PCDHGA9: variants seen among roughly 807,000 people sequenced by gnomAD.
PCDHGA9 encodes the protein protocadherin gamma-A9.
PCDHGA9 carries 37 observed loss-of-function variants against 62.5 expected under a neutral mutation model. The observed-to-expected ratio is 0.59, with a 90% confidence interval of 0.46 to 0.78. The LOEUF (loss-of-function observed/expected upper bound fraction) is 0.78. PCDHGA9 is among the 30% of genes least tolerant of loss of function. The pLI, the probability that PCDHGA9 is intolerant of heterozygous loss-of-function variation, is 0.00. For missense variants in PCDHGA9, 1,138 were observed against 1,166.2 expected (o/e 0.98, Z 0.35); for synonymous variants, 459 against 484.6 (o/e 0.95, Z 0.69).
intron 1 of PCDHGA9, among the ~76,000 whole-genome samples, chr5:141,464,049 G>C (rs1330340459): frequency 6.6e-6 from 1 of 152,124 alleles, no homozygotes; most frequent in Admixed American, 6.5e-5. Context: ...TGGATCACCT[G>C]AGGTCAGGAG....
intron 1 of PCDHGA9, chr5:141,409,054 T>TA: frequency 6.2e-7 from 1 of 1,614,028 alleles, no homozygotes; most frequent in African/African-American, 1.3e-5. Flanking sequence ...TCCGAAGCAC[T>TA]GCCCAGAGCA....
Position 141,403,105 on chromosome 5 carries a change from C to G in PCDHGA9, c.153C>G (p.Asp51Glu), listed in dbSNP as rs1226095779. Residue 51 changes from aspartate (D) to glutamate (E), a missense_variant, in exon 1 of 4, where the codon GAC becomes GAG. Physicochemically the swap from Asp to Glu is conservative, Grantham distance 45 (BLOSUM62 2). Coordinates refer to ENST00000573521, the MANE Select transcript of PCDHGA9 (RefSeq NM_018921.3). ...ATATTGTGGGCAACATCTCCAAGGA[C>G]CTGGCTCTGGAGCCCCGGGAGCTGG... is the stretch of plus-strand genomic sequence containing the variant. ...KGYIVGNISK[D>E]LALEPRELAE... 6.2e-7 allele frequency: 1 copy of G among 1,614,056 alleles called. No homozygotes were observed. Among genetic ancestry groups the G allele is most frequent in the East Asian group, 2.2e-5 (1 of 44,884 alleles).
Position 141,409,996 on chromosome 5 carries a change from G to C in PCDHGA9, c.2424+4620G>C, listed in dbSNP as rs1561724976. 8.7e-6 allele frequency: 14 copies of C among 1,613,014 alleles called. No homozygotes were observed. The Admixed American group carries it at 1.8e-4, about 21-fold the overall frequency. On this transcript the variant is annotated intron_variant, in intron 1 of 3. Transcript: ENST00000573521. ...AGGTGGTAGCGGTGGACGCCGACTC[G>C]GGACACAACGCCTGGCTGTCCTACC...
At chr5:141,453,495 C>T (rs1490576605) in intron 1 of PCDHGA9, among the ~76,000 whole-genome samples, 1 of 151,968 alleles carries the variant, frequency 6.6e-6, no homozygotes, top group Admixed American at 6.6e-5. Flanking sequence ...AAAAGGTGTA[C>T]TCAGAAAATT....
chr5:141,433,352 T>C (rs976015031), intron 1 of PCDHGA9: 16 of 614,162 alleles, frequency 2.6e-5, no homozygotes, highest in Non-Finnish European at 3.7e-5. Flanking sequence ...AGCCACCTAC[T>C]GTCTGCCTAT....
In PCDHGA9 at chr5:141,490,889, T is replaced by G. The variant is rs568838001; in HGVS notation, c.2425-3918T>G. The G allele has an allele frequency of 6.2e-7, 1 of 1,613,406 alleles. No homozygotes were observed. Among genetic ancestry groups the G allele is most frequent in the Non-Finnish European group, 8.5e-7 (1 of 1,179,428 alleles). ...CCCCCATTGCATGCCAACACATCTCTGCATGTGTTTGTCCTAGACGAGAAT... is the reference window on the plus strand; with the variant it reads ...CCCCCATTGCATGCCAACACATCTCGGCATGTGTTTGTCCTAGACGAGAAT... On this transcript the variant is annotated intron_variant, in intron 1 of 3. Coordinates refer to ENST00000573521, the MANE Select transcript of PCDHGA9 (RefSeq NM_018921.3). This position sits in a 1 kb window ranked among gnomAD's most constrained non-coding sequence, Gnocchi z 5.4.
intron 1 of PCDHGA9, among the ~76,000 whole-genome samples, chr5:141,464,912 T>A (rs1303305860): frequency 2.6e-5 from 4 of 152,092 alleles, no homozygotes; most frequent in Non-Finnish European, 5.9e-5. Context: ...CTAATTTTTT[T>A]ATTTTTTTGT....
At position 141,405,406 on chromosome 5, in the gene PCDHGA9, T is replaced by C. The variant is rs750140674; in HGVS notation, c.2424+30T>C. On this transcript the variant is annotated intron_variant, in intron 1 of 3. Coordinates refer to ENST00000573521, the MANE Select transcript of PCDHGA9 (RefSeq NM_018921.3). ...GTTCATTTTTTTTCTTTCTTTCTTTTCTTTTTTTGTTTTTTGTTTTGTTTT... is the reference window on the plus strand; with the variant it reads ...GTTCATTTTTTTTCTTTCTTTCTTTCCTTTTTTTGTTTTTTGTTTTGTTTT... 1.2e-5 allele frequency: 19 copies of C among 1,584,070 alleles called. No individual in the cohort carries two copies. The Admixed American group carries it at 1.2e-4, about 10-fold the overall frequency.
At chr5:141,430,935 T>G (rs748546768) in intron 1 of PCDHGA9, 1 of 1,607,814 alleles carries the variant, frequency 6.2e-7, no homozygotes. Context: ...CCCCGGGAGC[T>G]CGCGGAGCGC....
chr5:141,421,397 C>T, intron 1 of PCDHGA9: 1 of 1,614,030 alleles, frequency 6.2e-7, no homozygotes, highest in Non-Finnish European at 8.5e-7. Context: ...GGGCTGGAGC[C>T]CCGGGAGCTG....
chr5:141,430,790 A>G, intron 1 of PCDHGA9: 1 of 1,516,892 alleles, frequency 6.6e-7, no homozygotes, highest in South Asian at 1.3e-5. Context: ...CCGGGACTAC[A>G]AAGGGCTTGT....
chr5:141,415,029 G>A (rs777967290), intron 1 of PCDHGA9: 4 of 1,613,436 alleles, frequency 2.5e-6, no homozygotes, highest in Non-Finnish European at 3.4e-6. Flanking sequence ...CCAGCGAGCC[G>A]GGACTCTTCG....
chr5:141,455,283 C>G (rs1225185590), intron 1 of PCDHGA9, among the ~76,000 whole-genome samples: 1 of 152,000 alleles, frequency 6.6e-6, no homozygotes, highest in East Asian at 1.9e-4. Context: ...ATTAACATCA[C>G]TTTACATAGT....
At chr5:141,508,570 C>T (rs1164806696) in intron 3 of PCDHGA9, among the ~76,000 whole-genome samples, 21 of 152,198 alleles carry the variant, frequency 1.4e-4, no homozygotes. Context: ...GTCACTTGCA[C>T]CCACTCGGGG....
At chr5:141,502,866 C>CTTTTTTTT (rs549047197) in intron 2 of PCDHGA9, among the ~76,000 whole-genome samples, 38,988 of 127,080 alleles carry the variant, frequency 0.31, 7,978 homozygotes, top group African/African-American at 0.51. Flanking sequence ...GACTCTCTGT[C>CTTTTTTTT]TTTTTTTTTT....
Position 141,404,411 on chromosome 5 carries a change from G to A in PCDHGA9, c.1459G>A (p.Val487Ile). 1 of 1,613,854 alleles carries A rather than the reference G, an allele frequency of 6.2e-7. No homozygotes were observed. The highest frequency in any genetic ancestry group is 8.5e-7 in the Non-Finnish European group (1 of 1,179,838). ...CCCTGATAGCAATGAGAATTCTAGA[G>A]TTATTTACTCCTTGGCAGAGGATAC... ...YDPDSNENSR[V>I]IYSLAEDTIQ... The change falls in exon 1 of 4, where the codon GTT becomes ATT. Residue 487 changes from valine to isoleucine, a missense_variant. Coordinates refer to ENST00000573521, the MANE Select transcript of PCDHGA9 (RefSeq NM_018921.3).
Position 141,490,703 on chromosome 5 carries a change from G to GCCT in PCDHGA9, c.2425-4102_2425-4100dup. 6.2e-7 allele frequency: 1 copy of GCCT among 1,614,110 alleles called. No individual in the cohort carries two copies. The highest frequency in any genetic ancestry group is 8.5e-7 in the Non-Finnish European group (1 of 1,180,000). Reference sequence around the variant, plus strand: ...GATCCAGACACTGGGGATAATGCCCGCCTCACCTACTCCATTGTAGGAAAT... The same window carrying GCCT: ...GATCCAGACACTGGGGATAATGCCCGCCTCCTCACCTACTCCATTGTAGGAAAT... On this transcript the variant is annotated intron_variant, in intron 1 of 3. Transcript: ENST00000573521. This position sits in a 1 kb window ranked among gnomAD's most constrained non-coding sequence, Gnocchi z 5.4.
intron 1 of PCDHGA9, among the ~76,000 whole-genome samples, chr5:141,407,220 A>G (rs569421185): frequency 6.6e-6 from 1 of 152,342 alleles, no homozygotes; most frequent in East Asian, 1.9e-4. Context: ...TTAAGTGGGT[A>G]GCAAAAAAAA....
At chr5:141,470,302 C>A (rs996558051) in intron 1 of PCDHGA9, among the ~76,000 whole-genome samples, 5 of 152,188 alleles carry the variant, frequency 3.3e-5, no homozygotes, top group African/African-American at 1.2e-4. Context: ...GTTTTTATTC[C>A]ATTTTTCCTC....
Sources: allele counts gnomAD v4.1 joint callset (sites outside exome capture counted in the v4.1 genomes callset), GRCh38; gene constraint gnomAD v4.1.1; non-coding constraint Gnocchi (gnomAD v3.1); transcripts MANE v1.5; gene names NCBI Gene and HGNC (gene_info 2026-07-23, HGNC 2026-07-21).